The following ATP10B variants were observed in gnomAD, a reference collection of about 807,000 sequenced individuals.
ATP10B encodes ATPase phospholipid transporting 10B (putative).
In ATP10B, 122 loss-of-function variants were observed where a neutral mutation model predicts 141.2. That is an observed-to-expected ratio of 0.86 (90% CI 0.75 to 1.00). The LOEUF (loss-of-function observed/expected upper bound fraction) is 1.00, where lower values mean the gene tolerates loss of function less well. Among genes scored for constraint, ATP10B ranks in the 50% least tolerant of loss-of-function variants. The pLI, the probability that ATP10B is intolerant of heterozygous loss-of-function variation, is 0.00. For synonymous variants in ATP10B, 685 were observed against 692.0 expected, an observed-to-expected ratio of 0.99 and a Z score of 0.16; for missense variants, 1,876 against 1,825.3, an observed-to-expected ratio of 1.03 and a Z score of -0.51.
upstream of ATP10B, among the ~76,000 whole-genome samples, chr5:160,855,463 TTTAA>T (rs1043914216): frequency 4.6e-5 from 7 of 151,852 alleles, no homozygotes; most frequent in African/African-American, 1.7e-4. Context: ...TTGCTTATGT[TTTAA>T]TTAATTTTTG....
At chr5:160,634,091 T>TTA in intron 12 of ATP10B, 1 of 563,572 alleles carries the variant, frequency 1.8e-6, no homozygotes, top group South Asian at 1.9e-5. Flanking sequence ...ATAAAGTGCT[T>TTA]TGTCTGGCAC....
chr5:160,570,219 G>T (rs972884573), intron 24 of ATP10B, among the ~76,000 whole-genome samples: 2 of 150,288 alleles, frequency 1.3e-5, no homozygotes, highest in Non-Finnish European at 1.5e-5. Flanking sequence ...ATATTTTCAG[G>T]GTACATGTAA....
intron 13 of ATP10B, among the ~76,000 whole-genome samples, chr5:160,624,339 C>T (rs1561664444): frequency 1.3e-5 from 2 of 152,174 alleles, no homozygotes; most frequent in Admixed American, 6.5e-5. Context: ...CTCAGACATA[C>T]CCCACAAGAA....
At chr5:160,769,813 T>G (rs1289091274) in intron 2 of ATP10B, among the ~76,000 whole-genome samples, 1 of 152,162 alleles carries the variant, frequency 6.6e-6, no homozygotes, top group East Asian at 1.9e-4. Flanking sequence ...AAGCAGAGAC[T>G]TAGAGTTAAG....
At chr5:160,754,196 G>A (rs59803502) in intron 2 of ATP10B, among the ~76,000 whole-genome samples, 3,556 of 152,228 alleles carry the variant, frequency 0.023, 154 homozygotes, top group African/African-American at 0.081. Flanking sequence ...AGAGAAAGCT[G>A]TTGTTAAAAT....
At chr5:160,837,742 A>G (rs747901148) in intron 1 of ATP10B, among the ~76,000 whole-genome samples, 6 of 152,140 alleles carry the variant, frequency 3.9e-5, no homozygotes, top group African/African-American at 7.2e-5. Context: ...GCGTTTTTCA[A>G]ATATACTACC....
intron 3 of ATP10B, among the ~76,000 whole-genome samples, chr5:160,702,060 A>C (rs1581382598): frequency 6.6e-6 from 1 of 152,106 alleles, no homozygotes; most frequent in Non-Finnish European, 1.5e-5. Context: ...GGGAGCACTT[A>C]CCCCTCTACC....
intron 2 of ATP10B, among the ~76,000 whole-genome samples, chr5:160,782,326 C>T (rs570093273): frequency 5.3e-5 from 8 of 152,214 alleles, no homozygotes; most frequent in East Asian, 1.9e-4. Flanking sequence ...ACAAATCTAA[C>T]GGTTGTCTGC....
At chr5:160,887,693 A>G in the ATP10B span, among the ~76,000 whole-genome samples, 6,266 of 152,186 alleles carry the variant, frequency 0.041, 417 homozygotes, top group African/African-American at 0.14. Flanking sequence ...GGATACATGG[A>G]TCACAAACCC....
At chr5:160,926,599 A>G in the ATP10B span, among the ~76,000 whole-genome samples, 114 of 152,338 alleles carry the variant, frequency 7.5e-4, no homozygotes, top group African/African-American at 2.6e-3. Context: ...CTTAACACCC[A>G]TTACAATGAA....
intron 2 of ATP10B, among the ~76,000 whole-genome samples, chr5:160,765,514 A>C (rs1279146792): frequency 6.6e-6 from 1 of 152,210 alleles, no homozygotes; most frequent in Non-Finnish European, 1.5e-5. Context: ...AGCCACATGT[A>C]GAAGAATAAA....
intron 2 of ATP10B, among the ~76,000 whole-genome samples, chr5:160,758,522 A>G (rs1408415418): frequency 6.6e-6 from 1 of 152,206 alleles, no homozygotes; most frequent in African/African-American, 2.4e-5. Flanking sequence ...TATCTGACTG[A>G]TCAAAACATT....
intron 21 of ATP10B, among the ~76,000 whole-genome samples, chr5:160,601,415 G>T (rs1294625914): frequency 6.6e-6 from 1 of 152,048 alleles, no homozygotes; most frequent in Non-Finnish European, 1.5e-5. Context: ...GGAAATCTTG[G>T]GGTTTATTAA....
At chr5:160,653,144 ATAT>A (rs1247837487) in intron 7 of ATP10B, among the ~76,000 whole-genome samples, 38 of 131,340 alleles carry the variant, frequency 2.9e-4, no homozygotes, top group African/African-American at 9.9e-4. Context: ...ACATAAATAT[ATAT>A]TATAAATACA....
intron 2 of ATP10B, among the ~76,000 whole-genome samples, chr5:160,776,762 T>G (rs1719783433): frequency 6.6e-6 from 1 of 152,228 alleles, no homozygotes; most frequent in African/African-American, 2.4e-5. Flanking sequence ...ATCTCTACGC[T>G]TATAACAATA....
chr5:160,870,747 AAC>A, the ATP10B span, among the ~76,000 whole-genome samples: 1 of 151,964 alleles, frequency 6.6e-6, no homozygotes, highest in African/African-American at 2.4e-5. Flanking sequence ...GCCAAAAAAA[AAC>A]ACAAAAAACA....
At chr5:160,911,798 G>A in the ATP10B span, among the ~76,000 whole-genome samples, 1 of 152,120 alleles carries the variant, frequency 6.6e-6, no homozygotes, top group African/African-American at 2.4e-5. Flanking sequence ...ACCCAGCCTG[G>A]TTATTTTAGA....
chr5:160,821,789 G>C (rs1464752452), intron 1 of ATP10B, among the ~76,000 whole-genome samples: 3 of 151,990 alleles, frequency 2.0e-5, no homozygotes, highest in Non-Finnish European at 2.9e-5. Context: ...AATGGTGCTA[G>C]GAAAACCGGA....
chr5:160,776,730 G>A (rs749604810), intron 2 of ATP10B, among the ~76,000 whole-genome samples: 1 of 152,200 alleles, frequency 6.6e-6, no homozygotes, highest in Non-Finnish European at 1.5e-5. Flanking sequence ...TGGCCCAAGG[G>A]AAAGGTTCAG....
Sources: gnomAD v4.1 joint callset for allele counts (sites outside exome capture counted in the v4.1 genomes callset) on GRCh38, gnomAD v4.1.1 for gene constraint, MANE v1.5 for transcripts, NCBI Gene and HGNC (gene_info 2026-07-23, HGNC 2026-07-21) for gene names.